BLTP3B: variants seen among roughly 807,000 people sequenced by gnomAD.
BLTP3B encodes the protein bridge-like lipid transfer protein family member 3B.
the BLTP3B span, among the ~76,000 whole-genome samples, chr12:100,101,346 G>A: frequency 1.3e-5 from 2 of 152,164 alleles, no homozygotes; most frequent in African/African-American, 4.8e-5. Context: ...ACATAAAGGT[G>A]GCTCAACCTT....
chr12:100,047,384 G>A, the BLTP3B span: 9 of 536,654 alleles, frequency 1.7e-5, no homozygotes, highest in African/African-American at 1.8e-4. Context: ...TGTAATCCCA[G>A]CTACTCGGGA....
At chr12:100,052,532 C>T in the BLTP3B span, among the ~76,000 whole-genome samples, 1 of 151,826 alleles carries the variant, frequency 6.6e-6, no homozygotes, top group African/African-American at 2.4e-5. Context: ...ATTCCAGAAA[C>T]AGGTACAACA....
the BLTP3B span, among the ~76,000 whole-genome samples, chr12:100,127,597 A>G: frequency 2.0e-5 from 3 of 152,230 alleles, no homozygotes; most frequent in African/African-American, 7.2e-5. Context: ...CCTAAATTGA[A>G]AGAAATTCAG....
the BLTP3B span, chr12:100,039,498 C>T: frequency 3.2e-6 from 4 of 1,256,328 alleles, no homozygotes; most frequent in Non-Finnish European, 4.3e-6. Context: ...GCACTCGGTA[C>T]ATTTTATTAA....
the BLTP3B span, among the ~76,000 whole-genome samples, chr12:100,114,417 C>T: frequency 6.6e-6 from 1 of 152,308 alleles, no homozygotes; most frequent in African/African-American, 2.4e-5. Context: ...AGATTATTCT[C>T]CACCATTTTC....
the BLTP3B span, among the ~76,000 whole-genome samples, chr12:100,097,080 A>G: frequency 3.3e-5 from 5 of 151,976 alleles, no homozygotes; most frequent in Non-Finnish European, 4.4e-5. Context: ...ATCTCATCTC[A>G]AAAAAAATAA....
chr12:100,058,857 A>G, the BLTP3B span: 1 of 1,613,980 alleles, frequency 6.2e-7, no homozygotes, highest in Non-Finnish European at 8.5e-7. Context: ...ATGAACTAGG[A>G]GATGAATATC....
chr12:100,069,867 T>C, the BLTP3B span: 2 of 813,188 alleles, frequency 2.5e-6, no homozygotes, highest in Non-Finnish European at 3.0e-6. Flanking sequence ...AAATAAAAAA[T>C]TTTTTTAAAT....
chr12:100,103,105 G>A, the BLTP3B span, among the ~76,000 whole-genome samples: 1 of 151,856 alleles, frequency 6.6e-6, no homozygotes, highest in African/African-American at 2.4e-5. Flanking sequence ...GTTGGGGGGT[G>A]GGGAATTAAG....
the BLTP3B span, among the ~76,000 whole-genome samples, chr12:100,083,289 A>G: frequency 1.3e-5 from 2 of 152,224 alleles, no homozygotes; most frequent in Non-Finnish European, 2.9e-5. Flanking sequence ...AAAGTAATAC[A>G]GGATGTAAGT....
the BLTP3B span, among the ~76,000 whole-genome samples, chr12:100,107,684 C>A: frequency 6.6e-6 from 1 of 151,944 alleles, no homozygotes; most frequent in Non-Finnish European, 1.5e-5. Flanking sequence ...AGGGATAAAA[C>A]TGCAAATTTA....
At chr12:100,048,750 G>C in the BLTP3B span, among the ~76,000 whole-genome samples, 1,058 of 137,982 alleles carry the variant, frequency 7.7e-3, 4 homozygotes, top group Middle Eastern at 0.017. Context: ...GAGAGAGAGA[G>C]AGAGAGAGAG....
At chr12:100,083,211 A>G in the BLTP3B span, 10 of 1,005,324 alleles carry the variant, frequency 9.9e-6, 1 homozygote, top group South Asian at 1.4e-4. Context: ...TAAGGCAGGT[A>G]CCAGAAATAT....
chr12:100,119,142 T>G, the BLTP3B span, among the ~76,000 whole-genome samples: 1 of 152,066 alleles, frequency 6.6e-6, no homozygotes, highest in Non-Finnish European at 1.5e-5. Context: ...ATAAATTATG[T>G]TTCTATATGT....
At chr12:100,129,171 A>T in the BLTP3B span, among the ~76,000 whole-genome samples, 1 of 152,186 alleles carries the variant, frequency 6.6e-6, no homozygotes, top group Non-Finnish European at 1.5e-5. Context: ...TTCACCGAGA[A>T]TACTGAGGCA....
chr12:100,062,277 C>T, the BLTP3B span, among the ~76,000 whole-genome samples: 1 of 152,176 alleles, frequency 6.6e-6, no homozygotes, highest in East Asian at 1.9e-4. Context: ...AAACTGCAAG[C>T]GTACAAGCAT....
the BLTP3B span, among the ~76,000 whole-genome samples, chr12:100,061,358 T>C: frequency 1.3e-5 from 2 of 152,094 alleles, no homozygotes; most frequent in Non-Finnish European, 1.5e-5. Context: ...CACTAAGCAG[T>C]AGAAAGATCT....
the BLTP3B span, among the ~76,000 whole-genome samples, chr12:100,062,773 G>GC: frequency 6.6e-6 from 1 of 152,036 alleles, no homozygotes; most frequent in Non-Finnish European, 1.5e-5. Context: ...ACTAGCCCAG[G>GC]CAACAGAGTG....
At chr12:100,055,582 C>T in the BLTP3B span, among the ~76,000 whole-genome samples, 1 of 147,494 alleles carries the variant, frequency 6.8e-6, no homozygotes, top group Non-Finnish European at 1.5e-5. Context: ...GAGGCTGAGG[C>T]AGGATAATCA....
Sources: allele counts gnomAD v4.1 joint callset (sites outside exome capture counted in the v4.1 genomes callset), GRCh38; gene constraint gnomAD v4.1.1; transcripts MANE v1.5; gene names NCBI Gene and HGNC (gene_info 2026-07-23, HGNC 2026-07-21).